Variants in ABCC12 observed in about 807,000 individuals in gnomAD.
ABCC12 encodes ATP-binding cassette sub-family C member 12.
ABCC12 carries 142 observed loss-of-function variants against 151.1 expected under a neutral mutation model. The ratio of observed to expected loss-of-function variants is 0.94; its 90% CI spans 0.82 to 1.08. The LOEUF is 1.08. Ranked by LOEUF, ABCC12 falls within the 50% of genes least tolerant of loss-of-function variation. The pLI is 0.00. For missense variants in ABCC12, 1,638 were observed against 1,691.1 expected (o/e 0.97, Z 0.55); for synonymous variants, 645 against 646.4 (o/e 1.00, Z 0.03).
At chr16:48,144,638 G>A (rs1166330958) in intron 3 of ABCC12, among the ~76,000 whole-genome samples, 2 of 152,012 alleles carry the variant, frequency 1.3e-5, no homozygotes, top group South Asian at 2.1e-4. Flanking sequence ...GTGACGCTGA[G>A]GCCACACCTC....
At chr16:48,108,588 T>G in intron 18 of ABCC12, 59 bp from the exon 19 acceptor site, 3 of 1,418,250 alleles carry the variant, frequency 2.1e-6, no homozygotes, top group Non-Finnish European at 2.0e-6. Context: ...CCCAGCGAGG[T>G]AGGCACGGCC....
intron 4 of ABCC12, 26 bp downstream of exon 4, chr16:48,143,884 A>G: frequency 1.2e-6 from 2 of 1,607,480 alleles, no homozygotes; most frequent in South Asian, 1.1e-5. Flanking sequence ...ATGGACTAAT[A>G]CAGTGACCCA....
At chr16:48,113,080 C>T (rs1476146547) in intron 15 of ABCC12, among the ~76,000 whole-genome samples, 1 of 152,278 alleles carries the variant, frequency 6.6e-6, no homozygotes, top group African/African-American at 2.4e-5. Context: ...GAAGCCTTTG[C>T]AGTATGGGCC....
At chr16:48,087,307 A>T (rs553350611) in intron 27 of ABCC12, 1 of 160,988 alleles carries the variant, frequency 6.2e-6, no homozygotes, top group East Asian at 1.7e-4. Flanking sequence ...CAAACAATGA[A>T]CTCTAAATAC....
intron 14 of ABCC12, 42 bp from the exon 15 acceptor site, chr16:48,115,660 C>T (rs377615376): frequency 5.9e-5 from 92 of 1,571,108 alleles, no homozygotes; most frequent in Non-Finnish European, 7.5e-5. Flanking sequence ...TCAGCCCACC[C>T]TGAAGTTCTT....
chr16:48,135,459 C>T (rs2150664206), intron 8 of ABCC12, among the ~76,000 whole-genome samples: 1 of 152,264 alleles, frequency 6.6e-6, no homozygotes, highest in Non-Finnish European at 1.5e-5. Context: ...GAGCTCACTG[C>T]AGCCTTGACC....
chr16:48,149,228 T>A (rs1596633587), intron 2 of ABCC12, among the ~76,000 whole-genome samples: 1 of 48,072 alleles, frequency 2.1e-5, no homozygotes, highest in Non-Finnish European at 4.5e-5. Context: ...AATGAAACAC[T>A]AAATAGTAGA....
chr16:48,103,398 C>A (rs767233401), intron 22 of ABCC12, among the ~76,000 whole-genome samples: 41 of 152,308 alleles, frequency 2.7e-4, no homozygotes, highest in Non-Finnish European at 4.9e-4. Context: ...TCTTGCATAA[C>A]AGCTTATTCC....
At chr16:48,100,816 A>C in intron 23 of ABCC12, 56 bp downstream of exon 23, 6 of 1,587,070 alleles carry the variant, frequency 3.8e-6, no homozygotes, top group Non-Finnish European at 5.1e-6. Context: ...TGCACTCCCC[A>C]TCGGAGTCAG....
intron 18 of ABCC12, among the ~76,000 whole-genome samples, chr16:48,108,884 G>A (rs1963590870): frequency 6.6e-6 from 1 of 152,192 alleles, no homozygotes; most frequent in Non-Finnish European, 1.5e-5. Flanking sequence ...AGGGAGTAAG[G>A]TGTGTCACCA....
chr16:48,115,267 G>A, intron 15 of ABCC12, 148 bp downstream of exon 15: 2 of 957,984 alleles, frequency 2.1e-6, no homozygotes, highest in Non-Finnish European at 1.6e-6. Flanking sequence ...GAAGGCTGGG[G>A]AATCATGAGT....
chr16:48,121,088 G>A (rs948649330), intron 13 of ABCC12, among the ~76,000 whole-genome samples: 1 of 151,664 alleles, frequency 6.6e-6, no homozygotes, highest in Non-Finnish European at 1.5e-5. Flanking sequence ...TGTACCCTTT[G>A]GTCAACATCT....
At chr16:48,152,335 T>C (rs1348027973) in intron 2 of ABCC12, among the ~76,000 whole-genome samples, 1 of 152,200 alleles carries the variant, frequency 6.6e-6, no homozygotes, top group African/African-American at 2.4e-5. Context: ...AGCCCTGGTC[T>C]GGATCGGAAG....
rs1344722704 is a variant in ABCC12 at position 48,104,347 on chromosome 16, A to G, written c.2695T>C (p.Phe899Leu). 1.2e-6 allele frequency: 2 copies of G among 1,614,224 alleles called. No homozygotes were observed. Among genetic ancestry groups the G allele is most frequent in the Non-Finnish European group, 8.5e-7 (1 of 1,180,028 alleles). ...CTGCCAGTGGGAGTCGTGTCAAAGAAACTCATTGGGCTCTTTAAGATCTGT... is the reference window on the plus strand; with the variant it reads ...CTGCCAGTGGGAGTCGTGTCAAAGAGACTCATTGGGCTCTTTAAGATCTGT... ...FDKILKSPMS[F>L]FDTTPTGRLM... The change falls in exon 22 of 31, where the codon TTC becomes CTC. Residue 899 changes from phenylalanine (F) to leucine (L), a missense_variant. By Grantham distance (22) the Phe-to-Leu change is conservative (BLOSUM62 0). Transcript: ENST00000311303.
chr16:48,105,290 G>A lies in ABCC12; in HGVS notation c.2522C>T (p.Ala841Val), dbSNP rs375186984. The A allele has an allele frequency of 3.2e-5, 52 of 1,613,464 alleles. No homozygotes were observed. The highest frequency in any genetic ancestry group is 2.5e-4 in the South Asian group (23 of 91,036). Residue 841 changes from alanine (A) to valine (V), a missense_variant, in exon 21 of 31, where the codon GCG (alanine) becomes GTG (valine). Ala to Val is a moderately conservative substitution (Grantham distance 64). Coordinates refer to ENST00000311303, the MANE Select transcript of ABCC12 (RefSeq NM_001393797.1). ...QGNRTMCEVG[A>V]VLADIGQHVY... ...ATGCTGACCGATGTCTGCCAGCACC[G>A]CGCCGACCTCACACATGGTCCTGTT...
intron 20 of ABCC12, among the ~76,000 whole-genome samples, chr16:48,106,460 G>A (rs1963495640): frequency 6.6e-6 from 1 of 152,218 alleles, no homozygotes; most frequent in Admixed American, 6.5e-5. Flanking sequence ...TCCTGGGGAA[G>A]CACCAAGCCT....
chr16:48,126,025 A>T (rs904752148), intron 11 of ABCC12, among the ~76,000 whole-genome samples: 3 of 152,140 alleles, frequency 2.0e-5, no homozygotes, highest in African/African-American at 7.2e-5. Context: ...CCCATGCTGC[A>T]TTCCCATTTG....
intron 22 of ABCC12, 97 bp from the exon 23 acceptor site, chr16:48,101,106 G>T: frequency 7.2e-7 from 1 of 1,395,294 alleles, no homozygotes; most frequent in Non-Finnish European, 9.7e-7. Flanking sequence ...TCAGCACAGT[G>T]CTTAAGTCAG....
At chr16:48,142,195 C>T (rs1964840440) in intron 4 of ABCC12, among the ~76,000 whole-genome samples, 1 of 152,082 alleles carries the variant, frequency 6.6e-6, no homozygotes, top group East Asian at 1.9e-4. Flanking sequence ...AGTCTGGGGC[C>T]CTGGGTCAAG....
Sources: allele counts gnomAD v4.1 joint callset (sites outside exome capture counted in the v4.1 genomes callset), GRCh38; gene constraint gnomAD v4.1.1; transcripts MANE v1.5; gene names NCBI Gene and HGNC (gene_info 2026-07-23, HGNC 2026-07-21).